Variants in TEKT5 observed in about 807,000 individuals in gnomAD.
TEKT5 encodes tektin-5.
Under a neutral mutation model 48.7 loss-of-function variants are expected in TEKT5, and 52 were observed. The observed-to-expected ratio is 1.07, with a 90% CI of 0.86 to 1.35. TEKT5 has a LOEUF of 1.35. Among genes scored for constraint, TEKT5 ranks in the 40% most tolerant of loss-of-function variants. The pLI is 0.00. For synonymous variants in TEKT5, 318 were observed against 267.6 expected, an observed-to-expected ratio of 1.19 and a Z score of -1.84; for missense variants, 831 against 641.6, an observed-to-expected ratio of 1.30 and a Z score of -3.19.
intron 5 of TEKT5, among the ~76,000 whole-genome samples, chr16:10,663,637 T>C (rs1259679597): frequency 6.6e-6 from 1 of 152,192 alleles, no homozygotes; most frequent in East Asian, 1.9e-4. Flanking sequence ...GCTGGGACTC[T>C]CAACCCTTGG....
rs78076261 is a variant in TEKT5, at chr16:10,642,954, A to G, written c.1087-7036T>C. 8.0e-3 allele frequency among the ~76,000 whole-genome samples: 1,218 copies of G among 152,324 alleles called. 7 individuals are homozygous for G. Among genetic ancestry groups the G allele is most frequent in the Non-Finnish European group, 0.011 (743 of 68,030 alleles). On this transcript the variant is annotated intron_variant, in intron 5 of 6. Transcript: ENST00000283025. ...TAGGATGACTGAAACATAAGTTCCA[A>G]ATAGCTAGAAGGCGGATAGTGGATG...
intron 3 of TEKT5, among the ~76,000 whole-genome samples, chr16:10,683,202 C>T (rs140869897): frequency 9.1e-4 from 138 of 150,834 alleles, no homozygotes; most frequent in Non-Finnish European, 1.6e-3. Flanking sequence ...ATGAGAATTC[C>T]AAGCCGACAA....
At chr16:10,680,847 T>C (rs1370192210) in intron 4 of TEKT5, among the ~76,000 whole-genome samples, 1 of 93,306 alleles carries the variant, frequency 1.1e-5, no homozygotes, top group African/African-American at 4.1e-5. Flanking sequence ...CATCACACTC[T>C]GGGGACTGTT....
intron 5 of TEKT5, among the ~76,000 whole-genome samples, chr16:10,659,762 T>A (rs1397389268): frequency 2.0e-5 from 3 of 152,176 alleles, no homozygotes; most frequent in African/African-American, 7.2e-5. Flanking sequence ...TGTACGCTCA[T>A]TATTAGTGTT....
At chr16:10,644,718 C>G (rs1898044715) in intron 5 of TEKT5, among the ~76,000 whole-genome samples, 1 of 152,178 alleles carries the variant, frequency 6.6e-6, no homozygotes, top group African/African-American at 2.4e-5. Context: ...CTCCTATCGC[C>G]TAGAACAGTG....
At position 10,678,937 on chromosome 16, in the gene TEKT5, C is replaced by G. The variant is rs75073689; in HGVS notation, c.864-2756G>C. Among the ~76,000 whole-genome samples, 343 of 152,312 alleles carry G rather than the reference C, an allele frequency of 2.3e-3. 1 individual carries two copies. Among genetic ancestry groups the G allele is most frequent in the African/African-American group, 7.9e-3 (330 of 41,574 alleles). On this transcript the variant is annotated intron_variant, in intron 4 of 6. Coordinates refer to ENST00000283025, the MANE Select transcript of TEKT5 (RefSeq NM_144674.2). ...TGTTCTCTAAAGATGGAGAGGACAG[C>G]TGGCTTTGCTGGAGAGGCAGGAAGG... is the stretch of plus-strand genomic sequence containing the variant.
chr16:10,629,517 C>T (rs1161056281), intron 6 of TEKT5, among the ~76,000 whole-genome samples: 2 of 152,172 alleles, frequency 1.3e-5, no homozygotes, highest in Non-Finnish European at 2.9e-5. Flanking sequence ...TCCCAAAGTG[C>T]TGGGATTACA....
chr16:10,635,961 T>C (rs766783660), intron 5 of TEKT5, 43 bp from the exon 6 acceptor site: 2 of 1,603,622 alleles, frequency 1.2e-6, no homozygotes, highest in African/African-American at 2.7e-5. Flanking sequence ...CAGGCCCTTC[T>C]GACCTCCTCT....
intron 1 of TEKT5, 165 bp from the exon 2 acceptor site, chr16:10,690,190 T>C: frequency 3.1e-6 from 2 of 639,674 alleles, no homozygotes; most frequent in Non-Finnish European, 5.3e-6. Context: ...TGCCTCCCCT[T>C]CTCCCCGGAT....
intron 6 of TEKT5, among the ~76,000 whole-genome samples, chr16:10,630,223 C>T (rs986697711): frequency 1.3e-4 from 20 of 151,894 alleles, no homozygotes; most frequent in African/African-American, 4.8e-4. Context: ...CATGAGCCAC[C>T]GCACCCAGCT....
At chr16:10,640,368 C>T (rs1178522894) in intron 5 of TEKT5, among the ~76,000 whole-genome samples, 1 of 152,190 alleles carries the variant, frequency 6.6e-6, no homozygotes, top group Non-Finnish European at 1.5e-5. Flanking sequence ...GCCGCCTCAA[C>T]CTCTTGAAGC....
At chr16:10,681,015 T>TA (rs1331579578) in intron 4 of TEKT5, among the ~76,000 whole-genome samples, 2 of 109,684 alleles carry the variant, frequency 1.8e-5, no homozygotes, top group African/African-American at 3.4e-5. Context: ...ATAATAATAA[T>TA]AATAAATAAA....
intron 5 of TEKT5, among the ~76,000 whole-genome samples, chr16:10,654,689 T>G (rs1475235904): frequency 3.3e-5 from 5 of 152,130 alleles, no homozygotes; most frequent in Non-Finnish European, 7.4e-5. Context: ...CCCCTGACTC[T>G]TAGACCTTAG....
intron 5 of TEKT5, among the ~76,000 whole-genome samples, chr16:10,639,860 T>C (rs1897965559): frequency 6.6e-6 from 1 of 152,200 alleles, no homozygotes; most frequent in Non-Finnish European, 1.5e-5. Context: ...TCCCCTTCTG[T>C]GTCCCCTCTG....
chr16:10,645,428 C>T (rs1301886057), intron 5 of TEKT5, among the ~76,000 whole-genome samples: 1 of 152,118 alleles, frequency 6.6e-6, no homozygotes, highest in Non-Finnish European at 1.5e-5. Context: ...GGGAGGACTG[C>T]CTGACCCCAG....
intron 5 of TEKT5, among the ~76,000 whole-genome samples, chr16:10,641,077 T>C (rs1169303789): frequency 6.6e-6 from 1 of 152,216 alleles, no homozygotes; most frequent in Non-Finnish European, 1.5e-5. Context: ...TTTCTTGTTT[T>C]CATTCCCACC....
In TEKT5 at chr16:10,676,108, A is replaced by G; in HGVS notation, c.937T>C (p.Ser313Pro). 9 of 1,614,182 alleles carry G rather than the reference A, an allele frequency of 5.6e-6. No individual in the cohort carries two copies. The highest frequency in any genetic ancestry group is 7.6e-6 in the Non-Finnish European group (9 of 1,180,038). Residue 313 changes from serine to proline, a missense_variant, in exon 5 of 7, where the codon TCC (serine) becomes CCC (proline). Coordinates refer to ENST00000283025, the MANE Select transcript of TEKT5 (RefSeq NM_144674.2). ...IKHSQNMRAN[S>P]IQLREEAEHL... ...TCCGCCTCCTCCCGCAGCTGGATGGAGTTGGCCCGCATGTTCTGAGAGTGT... is the reference window on the plus strand; with the variant it reads ...TCCGCCTCCTCCCGCAGCTGGATGGGGTTGGCCCGCATGTTCTGAGAGTGT...
intron 5 of TEKT5, among the ~76,000 whole-genome samples, chr16:10,661,562 G>C (rs1033311564): frequency 6.6e-6 from 1 of 152,236 alleles, no homozygotes; most frequent in Non-Finnish European, 1.5e-5. Context: ...GGACAATCTG[G>C]ACAAGCTGAG....
intron 4 of TEKT5, among the ~76,000 whole-genome samples, chr16:10,679,365 G>A (rs369355986): frequency 1.5e-4 from 22 of 151,654 alleles, no homozygotes; most frequent in Admixed American, 1.3e-4. Flanking sequence ...GCTGAGGCAG[G>A]AGAATCACTT....
Sources: gnomAD v4.1 joint callset for allele counts (sites outside exome capture counted in the v4.1 genomes callset) on GRCh38, gnomAD v4.1.1 for gene constraint, MANE v1.5 for transcripts, NCBI Gene and HGNC (gene_info 2026-07-23, HGNC 2026-07-21) for gene names.